The following MED13L variants were observed in gnomAD, a reference collection of about 807,000 sequenced individuals.
The protein encoded by MED13L is mediator complex subunit 13L.
Under a neutral mutation model 220.9 loss-of-function variants are expected in MED13L, and 7 were observed. The observed-to-expected ratio is 0.03, with a 90% confidence interval of 0.02 to 0.06. The LOEUF (loss-of-function observed/expected upper bound fraction) is 0.06, where lower values mean the gene tolerates loss of function less well. Among genes scored for constraint, MED13L ranks in the 10% least tolerant of loss-of-function variants. The pLI is 1.00. For synonymous variants in MED13L, 1,011 were observed against 1,015.2 expected (o/e 1.00, Z 0.08); for missense variants, 1,965 against 2,760.5 (o/e 0.71, Z 6.46).
chr12:116,070,932 G>T (rs2137682278), intron 4 of MED13L, among the ~76,000 whole-genome samples: 1 of 152,082 alleles, frequency 6.6e-6, no homozygotes, highest in Admixed American at 6.5e-5. Context: ...TCAATATTTA[G>T]CACTCAATTT....
At chr12:116,120,223 C>G (rs969587310) in intron 2 of MED13L, among the ~76,000 whole-genome samples, 1 of 152,044 alleles carries the variant, frequency 6.6e-6, no homozygotes, top group East Asian at 1.9e-4. Flanking sequence ...CTTTCCCCTA[C>G]ACAACACTTA....
intron 2 of MED13L, among the ~76,000 whole-genome samples, chr12:116,182,281 C>A (rs556314358): frequency 2.0e-5 from 3 of 152,200 alleles, no homozygotes; most frequent in Non-Finnish European, 4.4e-5. Context: ...CTCTTGACAT[C>A]GTGCAGAAAT....
intron 2 of MED13L, among the ~76,000 whole-genome samples, chr12:116,133,369 G>A (rs1358835530): frequency 6.6e-6 from 1 of 152,102 alleles, no homozygotes; most frequent in Non-Finnish European, 1.5e-5. Context: ...ATGTTAAGAG[G>A]AGCAACAGGA....
At chr12:116,191,242 C>T (rs1474229562) in intron 2 of MED13L, among the ~76,000 whole-genome samples, 1 of 152,118 alleles carries the variant, frequency 6.6e-6, no homozygotes, top group African/African-American at 2.4e-5. Context: ...TATTTATTTA[C>T]AGTTTATTAA....
chr12:115,965,990 TATGGTGACTA>T, intron 29 of MED13L, 82 bp downstream of exon 29: 1 of 1,441,502 alleles, frequency 6.9e-7, no homozygotes, highest in South Asian at 1.2e-5. Context: ...AGAATAAGAT[TATGGTGACTA>T]AAACTGAAAT....
intron 4 of MED13L, among the ~76,000 whole-genome samples, chr12:116,069,509 G>A (rs1377541057): frequency 6.6e-6 from 1 of 152,162 alleles, no homozygotes; most frequent in Admixed American, 6.5e-5. Flanking sequence ...TGTAAAGACT[G>A]GTTGAAACTG....
chr12:116,188,759 G>A (rs865840324), intron 2 of MED13L, among the ~76,000 whole-genome samples: 3 of 151,798 alleles, frequency 2.0e-5, no homozygotes, highest in Non-Finnish European at 2.9e-5. Flanking sequence ...CCTAAACCCC[G>A]ACAACTACTA....
intron 4 of MED13L, among the ~76,000 whole-genome samples, chr12:116,095,237 T>A (rs1035859732): frequency 6.6e-6 from 1 of 152,138 alleles, no homozygotes; most frequent in Non-Finnish European, 1.5e-5. Context: ...TCTATACATA[T>A]ATATTTATAA....
At chr12:116,096,826 G>C (rs1872674810) in intron 3 of MED13L, 74 bp from the exon 4 acceptor site, 1 of 1,026,652 alleles carries the variant, frequency 9.7e-7, no homozygotes, top group African/African-American at 1.6e-5. Flanking sequence ...CAATACACCA[G>C]ATGAGATATA....
intron 7 of MED13L, among the ~76,000 whole-genome samples, chr12:116,016,421 C>T (rs1313292913): frequency 6.6e-6 from 1 of 151,996 alleles, no homozygotes; most frequent in Non-Finnish European, 1.5e-5. Flanking sequence ...TTAAAAGTTC[C>T]CAACTTGGTT....
At chr12:116,054,834 T>C (rs1868814798) in intron 4 of MED13L, among the ~76,000 whole-genome samples, 1 of 152,206 alleles carries the variant, frequency 6.6e-6, no homozygotes, top group South Asian at 2.1e-4. Flanking sequence ...CTACTCTGTG[T>C]TTCAATATTC....
chr12:116,251,462 A>T (rs1245564681), intron 1 of MED13L, among the ~76,000 whole-genome samples: 1 of 138,742 alleles, frequency 7.2e-6, no homozygotes, highest in Non-Finnish European at 1.5e-5. Flanking sequence ...TTTTTTTTTT[A>T]AAGTAAGGCC....
intron 10 of MED13L, chr12:116,007,986 G>T (rs1879158560): frequency 3.0e-6 from 1 of 330,014 alleles, no homozygotes. Flanking sequence ...GTTTTAGAAT[G>T]GGTGGCTCAA....
chr12:116,016,662 A>G (rs1879743608), intron 7 of MED13L, among the ~76,000 whole-genome samples: 2 of 152,176 alleles, frequency 1.3e-5, no homozygotes, highest in Non-Finnish European at 2.9e-5. Flanking sequence ...GACTTTTCTG[A>G]CTAAAGCTAG....
intron 5 of MED13L, among the ~76,000 whole-genome samples, chr12:116,020,416 A>T (rs1297967137): frequency 6.6e-6 from 1 of 152,214 alleles, no homozygotes; most frequent in Non-Finnish European, 1.5e-5. Flanking sequence ...AACAGAAGAA[A>T]ATCATTCAAC....
chr12:116,005,742 G>T, intron 13 of MED13L, 127 bp downstream of exon 13: 2 of 1,227,154 alleles, frequency 1.6e-6, no homozygotes, highest in Non-Finnish European at 2.4e-6. Context: ...CATTTATAAA[G>T]AACATTCAGA....
chr12:116,126,140 C>G (rs1280958682), intron 2 of MED13L, among the ~76,000 whole-genome samples: 1 of 152,108 alleles, frequency 6.6e-6, no homozygotes, highest in Non-Finnish European at 1.5e-5. Context: ...TATAAATGAC[C>G]TAAACACACC....
intron 3 of MED13L, among the ~76,000 whole-genome samples, chr12:116,108,702 T>C (rs1470522404): frequency 9.2e-5 from 14 of 152,246 alleles, no homozygotes; most frequent in African/African-American, 2.4e-5. Flanking sequence ...ATCATTATTT[T>C]CTAAAAGAAA....
chr12:116,174,702 G>C lies in MED13L; in HGVS notation c.310+62766C>G, dbSNP rs1879921341. ...CCTATCTGAACAGATTACAAATTTA[G>C]CTTCTAGAGTTGTCTAAGTGAATGT... is the stretch of plus-strand genomic sequence containing the variant. On this transcript the variant is annotated intron_variant, in intron 2 of 30. Transcript: ENST00000281928. 3 of 152,270 alleles carry C rather than the reference G, an allele frequency of 2.0e-5. No homozygotes were observed. In the South Asian group the frequency reaches 6.2e-4, roughly 32 times the overall value. 9.4% of individuals were successfully genotyped at this position (152,270 alleles called of 1,614,324 possible).
Sources: allele counts gnomAD v4.1 joint callset (sites outside exome capture counted in the v4.1 genomes callset), GRCh38; gene constraint gnomAD v4.1.1; transcripts MANE v1.5; gene names NCBI Gene and HGNC (gene_info 2026-07-23, HGNC 2026-07-21).